Variants in GOPC observed in about 807,000 individuals in gnomAD.
The protein encoded by GOPC is Golgi-associated PDZ and coiled-coil motif-containing protein.
In GOPC, 32 loss-of-function variants were observed where a neutral mutation model predicts 51.2. The observed-to-expected ratio is 0.63, with a 90% CI of 0.47 to 0.84. The LOEUF is 0.84. GOPC is among the 40% of genes least tolerant of loss of function. GOPC has a pLI of 0.00. For missense variants in GOPC, 441 were observed against 555.5 expected, an observed-to-expected ratio of 0.79 and a Z score of 2.07; for synonymous variants, 190 against 205.1, an observed-to-expected ratio of 0.93 and a Z score of 0.63.
At chr6:117,599,274 G>A (rs1771947874) in intron 1 of GOPC, among the ~76,000 whole-genome samples, 1 of 152,038 alleles carries the variant, frequency 6.6e-6, no homozygotes, top group Non-Finnish European at 1.5e-5. Flanking sequence ...ACCATAAGTG[G>A]TTTCAAATAT....
In GOPC at chr6:117,602,097, A is replaced by C; in HGVS notation, c.192T>G (p.Tyr64Ter). ...EIDPDQADIT[Y>*]EGRQKMTSLS... ...GGCTGGTCATCTTCTGTCGCCCCTC[A>C]TAAGTGATGTCCGCTTGGTCTGGAT... The change falls in exon 1 of 9, where the codon TAT (tyrosine) becomes TAG (stop). Residue 64 changes from tyrosine to a stop codon, truncating the protein, a stop_gained. Transcript: ENST00000368498. LOFTEE classifies it high-confidence loss of function. 6.2e-7 allele frequency: 1 copy of C among 1,614,084 alleles called. No individual in the cohort carries two copies. The highest frequency in any genetic ancestry group is 8.5e-7 in the Non-Finnish European group (1 of 1,180,014).
At chr6:117,589,180 G>GAT (rs1247499259) in intron 1 of GOPC, among the ~76,000 whole-genome samples, 2 of 152,234 alleles carry the variant, frequency 1.3e-5, no homozygotes, top group African/African-American at 4.8e-5. Flanking sequence ...ACAAGCTTGA[G>GAT]ATAGAGTAAG....
intron 1 of GOPC, among the ~76,000 whole-genome samples, chr6:117,596,332 C>T (rs1248971993): frequency 6.6e-6 from 1 of 152,110 alleles, no homozygotes. Context: ...GATTTTCTCC[C>T]ACTCTGTGGG....
chr6:117,592,579 A>G (rs542349281), intron 1 of GOPC, among the ~76,000 whole-genome samples: 5 of 152,070 alleles, frequency 3.3e-5, no homozygotes, highest in Non-Finnish European at 7.4e-5. Flanking sequence ...CTATCATCAC[A>G]TAGCCTTCTT....
Position 117,562,789 on chromosome 6 carries a change from A to G in GOPC, c.*465T>C, listed in dbSNP as rs1779611164. The stretch of plus-strand genomic sequence containing the variant: ...CAGTTACAAAAATTAAGTCAAGCCT[A>G]TATTTCTACAATTCATTGAGTCAAG... On this transcript the variant is annotated 3_prime_UTR_variant, in exon 9 of 9. Coordinates refer to ENST00000368498, the MANE Select transcript of GOPC (RefSeq NM_020399.4). The G allele has an allele frequency of 9.5e-6, 2 of 209,774 alleles. No individual in the cohort carries two copies. The highest frequency in any genetic ancestry group is 1.9e-4 in the South Asian group (1 of 5,332). The allele number at this position is 209,774 out of a possible 1,614,324, so 13.0% of individuals were successfully genotyped here.
At chr6:117,594,104 A>G (rs1441824586) in intron 1 of GOPC, among the ~76,000 whole-genome samples, 1 of 152,134 alleles carries the variant, frequency 6.6e-6, no homozygotes, top group Non-Finnish European at 1.5e-5. Context: ...TAAAGCCCCA[A>G]ATATTTTTGC....
At position 117,562,979 on chromosome 6, in the gene GOPC, A is replaced by G; in HGVS notation, c.*275T>C. 2.7e-6 allele frequency: 1 copy of G among 376,308 alleles called. No individual in the cohort carries two copies. Among genetic ancestry groups the G allele is most frequent in the East Asian group, 4.5e-5 (1 of 22,454 alleles). The allele number at this position is 376,308 out of a possible 1,614,324, so 23.3% of individuals were successfully genotyped here. ...ACAGTAGGGTTTCATTTGGTACTTA[A>G]GAGCCCAGTAATACCCCTTTGGGAA... On this transcript the variant is annotated 3_prime_UTR_variant, in exon 9 of 9. Transcript: ENST00000368498.
chr6:117,566,451 A>T (rs1237866089), intron 8 of GOPC, among the ~76,000 whole-genome samples: 1 of 152,206 alleles, frequency 6.6e-6, no homozygotes, highest in Admixed American at 6.5e-5. Context: ...TCATAAGGTG[A>T]CAGTATACTT....
chr6:117,589,926 T>C (rs1780090321), intron 1 of GOPC, among the ~76,000 whole-genome samples: 1 of 152,200 alleles, frequency 6.6e-6, no homozygotes, highest in South Asian at 2.1e-4. Context: ...TTTCAATCAG[T>C]TTCAATTTTT....
In GOPC at chr6:117,602,174, T is replaced by C; in HGVS notation, c.115A>G (p.Lys39Glu). Residue 39 changes from lysine (K) to glutamate (E), a missense_variant, in exon 1 of 9, where the codon AAG becomes GAG. Around this residue, in one of 3 missense-constraint regions of GOPC, gnomAD observed 204 missense variants for 219.8 expected, o/e 0.93. Coordinates refer to ENST00000368498, the MANE Select transcript of GOPC (RefSeq NM_020399.4). ...SMFRWLEVLEKEFDKAFVDVD... is the reference protein window; with the variant it reads ...SMFRWLEVLEEEFDKAFVDVD... The stretch of plus-strand genomic sequence containing the variant: ...TCCACAAAAGCTTTGTCGAACTCCT[T>C]CTCCAGCACCTCCAGCCACCGGAAC... The C allele has an allele frequency of 1.9e-6, 3 of 1,613,320 alleles. No homozygotes were observed. Among genetic ancestry groups the C allele is most frequent in the South Asian group, 1.1e-5 (1 of 91,068 alleles).
At chr6:117,583,862 C>T (rs1319107756) in intron 1 of GOPC, among the ~76,000 whole-genome samples, 1 of 152,178 alleles carries the variant, frequency 6.6e-6, no homozygotes, top group African/African-American at 2.4e-5. Flanking sequence ...CTTCTATTCC[C>T]AGCTAATAAC....
At chr6:117,591,452 G>A (rs1780115550) in intron 1 of GOPC, among the ~76,000 whole-genome samples, 1 of 152,182 alleles carries the variant, frequency 6.6e-6, no homozygotes, top group Non-Finnish European at 1.5e-5. Context: ...GCTAATTATA[G>A]TACAATGTAA....
At chr6:117,590,342 G>A (rs996588897) in intron 1 of GOPC, among the ~76,000 whole-genome samples, 1 of 152,056 alleles carries the variant, frequency 6.6e-6, no homozygotes, top group South Asian at 2.1e-4. Flanking sequence ...AGCCCAAGGC[G>A]GGTGGATTGC....
chr6:117,567,037 A>G lies in GOPC; in HGVS notation c.1078-3T>C. The G allele has an allele frequency of 6.4e-7, 1 of 1,553,992 alleles. No homozygotes were observed. The highest frequency in any genetic ancestry group is 8.6e-7 in the Non-Finnish European group (1 of 1,156,808). ...ACTTCAAATTCAATCTCTCCTCTCT[A>G]AAACAGGAAATGAAAATGAGAAAGT... On this transcript the variant is annotated splice_polypyrimidine_tract_variant and splice_region_variant and intron_variant, in intron 7 of 8. Transcript: ENST00000368498.
intron 1 of GOPC, among the ~76,000 whole-genome samples, chr6:117,582,919 G>A (rs1358881169): frequency 6.6e-6 from 1 of 151,844 alleles, no homozygotes; most frequent in Non-Finnish European, 1.5e-5. Context: ...GTGGAGGGCA[G>A]CTGCCCCCAA....
Position 117,570,895 on chromosome 6 carries a change from T to TA in GOPC, c.876dup (p.Lys293Ter). ...ATGCCAAGGCCTTCATGATCTTCCTTAAGGAGGAGAACTTTTCTAATTGGA... is the reference window on the plus strand; with the variant it reads ...ATGCCAAGGCCTTCATGATCTTCCTTAAAGGAGGAGAACTTTTCTAATTGGA... On this transcript the variant is annotated frameshift_variant, in exon 6 of 9. Coordinates refer to ENST00000368498, the MANE Select transcript of GOPC (RefSeq NM_020399.4). LOFTEE classifies it high-confidence loss of function. 6.3e-7 allele frequency: 1 copy of TA among 1,598,188 alleles called. No individual in the cohort carries two copies. The highest frequency in any genetic ancestry group is 8.6e-7 in the Non-Finnish European group (1 of 1,169,012).
rs71012364 is a variant in GOPC at position 117,582,273 on chromosome 6, TACACACACACACAC to T, written c.286-3223_286-3210del. The stretch of plus-strand genomic sequence containing the variant: ...CCCTCCCTCCCTCTGCCTCCCCCCC[TACACACACACACAC>T]ACACACACACACACACACACACATT... On this transcript the variant is annotated intron_variant, in intron 1 of 8. Coordinates refer to ENST00000368498, the MANE Select transcript of GOPC (RefSeq NM_020399.4). Among the ~76,000 whole-genome samples the T allele has an allele frequency of 2.8e-3, 332 of 119,216 alleles. 7 individuals are homozygous for T. The highest frequency in any genetic ancestry group is 0.024 in the Admixed American group (279 of 11,760). The allele number at this position is 119,216 out of a possible 152,430, so 78.2% of individuals were successfully genotyped here. A position where few individuals can be genotyped will look rare whatever the true frequency, so the allele number is the denominator to read the frequency against.
intron 1 of GOPC, among the ~76,000 whole-genome samples, chr6:117,583,192 AG>A (rs1232570865): frequency 6.6e-6 from 1 of 152,220 alleles, no homozygotes; most frequent in Non-Finnish European, 1.5e-5. Context: ...CAAAGCAGCC[AG>A]CCAGTTCTCA....
In GOPC at chr6:117,575,218, C is replaced by T. The variant is rs768766323; in HGVS notation, c.609G>A (p.Ala203=). 9.3e-6 allele frequency: 15 copies of T among 1,611,196 alleles called. No homozygotes were observed. The highest frequency in any genetic ancestry group is 6.7e-5 in the Admixed American group (4 of 59,482). The part of the protein sequence containing the change: ...IAVLQAEVYG[A]RLAAKYLDKE... ...TATCCAAGTACTTGGCAGCTAGTCT[C>T]GCCCCATATACTTCAGCCTGGAGAA... Residue 203 remains alanine (A), a synonymous_variant, in exon 4 of 9, where the codon GCG becomes GCA. Coordinates refer to ENST00000368498, the MANE Select transcript of GOPC (RefSeq NM_020399.4).
Sources: allele counts gnomAD v4.1 joint callset (sites outside exome capture counted in the v4.1 genomes callset), GRCh38; gene constraint gnomAD v4.1.1; regional missense constraint gnomAD v4.1.1; transcripts MANE v1.5; gene names NCBI Gene and HGNC (gene_info 2026-07-23, HGNC 2026-07-21).